The following RANBP17 variants were observed in gnomAD, a reference collection of about 807,000 sequenced individuals.
RANBP17 encodes the protein ran-binding protein 17.
Under a neutral mutation model 141.2 loss-of-function variants are expected in RANBP17, and 158 were observed. The observed-to-expected ratio is 1.12, with a 90% CI of 0.98 to 1.28. RANBP17 has a LOEUF of 1.28. RANBP17 is among the 50% of genes most tolerant of loss of function. The pLI, the probability that RANBP17 is intolerant of heterozygous loss-of-function variation, is 0.00. For missense variants in RANBP17, 1,438 were observed against 1,290.7 expected, an observed-to-expected ratio of 1.11 and a Z score of -1.75; for synonymous variants, 430 against 450.0, an observed-to-expected ratio of 0.96 and a Z score of 0.56.
At chr5:170,897,023 GC>G in intron 5 of RANBP17, 1 of 1,068,466 alleles carries the variant, frequency 9.4e-7, no homozygotes, top group Non-Finnish European at 1.4e-6. Context: ...GCCGCGGTCA[GC>G]CAGAAAGGAA....
intron 13 of RANBP17, among the ~76,000 whole-genome samples, chr5:170,968,007 C>T (rs1776711772): frequency 6.6e-6 from 1 of 151,542 alleles, no homozygotes; most frequent in South Asian, 2.1e-4. Flanking sequence ...AGTTTTGCAT[C>T]TATATGCATG....
At chr5:171,175,395 G>T (rs566596384) in intron 16 of RANBP17, among the ~76,000 whole-genome samples, 26 of 152,150 alleles carry the variant, frequency 1.7e-4, no homozygotes, top group African/African-American at 5.8e-4. Flanking sequence ...ACTAACTTAT[G>T]CTCCCACCAA....
intron 25 of RANBP17, among the ~76,000 whole-genome samples, chr5:171,275,608 G>C (rs1183057543): frequency 6.6e-6 from 1 of 152,138 alleles, no homozygotes; most frequent in Non-Finnish European, 1.5e-5. Context: ...ATGATTTGAA[G>C]AGTTTGATTT....
chr5:171,223,744 G>A (rs1763714195), intron 22 of RANBP17, among the ~76,000 whole-genome samples: 2 of 152,318 alleles, frequency 1.3e-5, no homozygotes, highest in South Asian at 4.1e-4. Flanking sequence ...CATACTTTTT[G>A]TATATATCTA....
intron 14 of RANBP17, among the ~76,000 whole-genome samples, chr5:171,102,470 A>G (rs202175168): frequency 1.5e-4 from 22 of 151,654 alleles, no homozygotes; most frequent in Non-Finnish European, 2.5e-4. Flanking sequence ...TCTCTAATCT[A>G]GTTATTCTAG....
At chr5:171,088,819 C>A (rs1785929237) in intron 14 of RANBP17, among the ~76,000 whole-genome samples, 1 of 152,128 alleles carries the variant, frequency 6.6e-6, no homozygotes, top group Admixed American at 6.5e-5. Context: ...TCCATCAGCT[C>A]CTTTAAGTAC....
chr5:171,172,647 T>C (rs1344022799), intron 16 of RANBP17, among the ~76,000 whole-genome samples: 1 of 151,848 alleles, frequency 6.6e-6, no homozygotes, highest in Non-Finnish European at 1.5e-5. Flanking sequence ...ATGAATTACT[T>C]TGAAAGCATA....
chr5:171,199,827 T>G, intron 19 of RANBP17, 54 bp downstream of exon 19: 20 of 1,082,386 alleles, frequency 1.8e-5, no homozygotes, highest in Non-Finnish European at 2.4e-5. Flanking sequence ...CTAGGATATC[T>G]AGATCCAGAA....
chr5:171,149,577 G>T (rs1193159509), intron 14 of RANBP17, among the ~76,000 whole-genome samples: 1 of 152,168 alleles, frequency 6.6e-6, no homozygotes, highest in Non-Finnish European at 1.5e-5. Context: ...CGCTATGATT[G>T]CTTTCTTACA....
intron 14 of RANBP17, among the ~76,000 whole-genome samples, chr5:171,090,638 C>T (rs984660963): frequency 2.2e-5 from 3 of 136,640 alleles, no homozygotes; most frequent in African/African-American, 7.8e-5. Context: ...TCTCATCAAG[C>T]CCAGAGGTTT....
chr5:171,085,149 A>T (rs2127715941), intron 14 of RANBP17, among the ~76,000 whole-genome samples: 1 of 118,404 alleles, frequency 8.4e-6, no homozygotes, highest in African/African-American at 3.2e-5. Context: ...ATAAGGTGTA[A>T]GGAAGGGATC....
intron 12 of RANBP17, among the ~76,000 whole-genome samples, chr5:170,935,361 C>T (rs1016522987): frequency 2.0e-5 from 3 of 152,194 alleles, no homozygotes; most frequent in South Asian, 2.1e-4. Flanking sequence ...CGAGGAGCTG[C>T]GTTCCTTTGG....
At chr5:170,999,236 A>G (rs1779038309) in intron 14 of RANBP17, among the ~76,000 whole-genome samples, 1 of 152,164 alleles carries the variant, frequency 6.6e-6, no homozygotes, top group Non-Finnish European at 1.5e-5. Flanking sequence ...AATTGTAAAT[A>G]AAATCCTGAC....
At chr5:171,258,115 A>AT (rs1278113284) in intron 24 of RANBP17, among the ~76,000 whole-genome samples, 3 of 115,932 alleles carry the variant, frequency 2.6e-5, no homozygotes, top group South Asian at 6.1e-4. Flanking sequence ...TAAAAAAAAA[A>AT]AATACACACA....
chr5:170,942,393 A>T (rs1774400995), intron 12 of RANBP17, among the ~76,000 whole-genome samples: 1 of 152,190 alleles, frequency 6.6e-6, no homozygotes, highest in Admixed American at 6.5e-5. Context: ...GAATAAATAG[A>T]TCATAATGTA....
intron 5 of RANBP17, among the ~76,000 whole-genome samples, chr5:170,901,193 C>T (rs1444086714): frequency 6.6e-6 from 1 of 152,136 alleles, no homozygotes; most frequent in Non-Finnish European, 1.5e-5. Context: ...CTGGGTGCTC[C>T]TGTATTGGAT....
intron 14 of RANBP17, among the ~76,000 whole-genome samples, chr5:171,044,214 C>G (rs1001787621): frequency 6.6e-6 from 1 of 151,846 alleles, no homozygotes; most frequent in African/African-American, 2.4e-5. Flanking sequence ...TTTAATGCCC[C>G]CGGTGAAATC....
chr5:170,909,202 A>G (rs376561284), intron 5 of RANBP17, among the ~76,000 whole-genome samples: 13 of 152,020 alleles, frequency 8.6e-5, no homozygotes, highest in African/African-American at 2.6e-4. Context: ...TTCTTTTCGT[A>G]GTATCAAAGA....
intron 14 of RANBP17, among the ~76,000 whole-genome samples, chr5:171,163,757 G>A (rs1292324125): frequency 3.3e-5 from 5 of 152,052 alleles, no homozygotes; most frequent in Non-Finnish European, 5.9e-5. Flanking sequence ...ATATTTGGGG[G>A]ATCTTTTGTG....
Sources: allele counts gnomAD v4.1 joint callset (sites outside exome capture counted in the v4.1 genomes callset), GRCh38; gene constraint gnomAD v4.1.1; transcripts MANE v1.5; gene names NCBI Gene and HGNC (gene_info 2026-07-23, HGNC 2026-07-21).